Variants in DPY19L4 observed in about 807,000 individuals in gnomAD.
DPY19L4 encodes dpy-19 like 4.
In DPY19L4, 97 loss-of-function variants were observed where a neutral mutation model predicts 102.8. The ratio of observed to expected loss-of-function variants is 0.94; its 90% CI spans 0.80 to 1.12. The LOEUF (loss-of-function observed/expected upper bound fraction) is 1.12, where lower values mean the gene tolerates loss of function less well. Among genes scored for constraint, DPY19L4 ranks in the 50% most tolerant of loss-of-function variants. The pLI is 0.00. For synonymous variants in DPY19L4, 252 were observed against 283.1 expected, an observed-to-expected ratio of 0.89 and a Z score of 1.10; for missense variants, 815 against 850.4, an observed-to-expected ratio of 0.96 and a Z score of 0.52.
At chr8:94,782,783 A>G (rs1813488525) in intron 16 of DPY19L4, among the ~76,000 whole-genome samples, 1 of 152,266 alleles carries the variant, frequency 6.6e-6, no homozygotes, top group African/African-American at 2.4e-5. Flanking sequence ...ACCCTTAACT[A>G]TTACCCATTA....
intron 8 of DPY19L4, among the ~76,000 whole-genome samples, chr8:94,764,663 A>G (rs374401312): frequency 2.8e-5 from 3 of 106,734 alleles, no homozygotes; most frequent in Admixed American, 1.1e-4. Context: ...GTATGTATGT[A>G]TGCGTGTGTG....
chr8:94,790,083 A>G lies in DPY19L4; in HGVS notation c.*173A>G. On this transcript the variant is annotated 3_prime_UTR_variant, in exon 19 of 19. Coordinates refer to ENST00000414645, the MANE Select transcript of DPY19L4 (RefSeq NM_181787.3). ...TGTGGGAAATAGAAGATCAAGCATT[A>G]CTGTCCTTTGATTAAATGTGATATC... 1 of 577,212 alleles carries G rather than the reference A, an allele frequency of 1.7e-6. No individual in the cohort carries two copies. Among genetic ancestry groups the G allele is most frequent in the Non-Finnish European group, 2.9e-6 (1 of 345,074 alleles). 35.8% of individuals were successfully genotyped at this position (577,212 alleles called of 1,614,324 possible). A position where few individuals can be genotyped will look rare whatever the true frequency, so the allele number is the denominator to read the frequency against.
intron 12 of DPY19L4, 94 bp from the exon 13 acceptor site, chr8:94,770,358 T>G (rs560629113): frequency 7.6e-7 from 1 of 1,310,968 alleles, no homozygotes; most frequent in East Asian, 2.7e-5. Context: ...AATATAAAAT[T>G]TTAGGTATGT....
intron 3 of DPY19L4, among the ~76,000 whole-genome samples, chr8:94,736,109 G>A (rs1811178061): frequency 6.6e-6 from 1 of 152,106 alleles, no homozygotes; most frequent in Non-Finnish European, 1.5e-5. Context: ...GTTTATAGCA[G>A]GGATCATCTT....
intron 10 of DPY19L4, 69 bp downstream of exon 10, chr8:94,765,878 A>T: frequency 1.0e-6 from 1 of 954,882 alleles, no homozygotes; most frequent in South Asian, 1.5e-5. Flanking sequence ...CTACATTTTA[A>T]TGAGAATAAT....
intron 6 of DPY19L4, among the ~76,000 whole-genome samples, chr8:94,747,836 AG>A (rs1811749604): frequency 6.6e-6 from 1 of 152,180 alleles, no homozygotes; most frequent in Non-Finnish European, 1.5e-5. Context: ...CTGGGATAAC[AG>A]GCGTGAGCCA....
chr8:94,741,889 A>G (rs1811461110), intron 6 of DPY19L4, among the ~76,000 whole-genome samples: 1 of 152,248 alleles, frequency 6.6e-6, no homozygotes, highest in Admixed American at 6.5e-5. Context: ...TTAGTATAGA[A>G]TGGAATTAGA....
chr8:94,748,986 G>A (rs1234580275), intron 6 of DPY19L4, among the ~76,000 whole-genome samples: 1 of 152,174 alleles, frequency 6.6e-6, no homozygotes, highest in Non-Finnish European at 1.5e-5. Flanking sequence ...GGCTGGAGAG[G>A]CCTCACAATC....
chr8:94,787,022 C>T (rs187879712), intron 17 of DPY19L4, among the ~76,000 whole-genome samples: 5 of 152,218 alleles, frequency 3.3e-5, no homozygotes, highest in Non-Finnish European at 5.9e-5. Flanking sequence ...AGGGGTTCTA[C>T]GAGCATCTTG....
At chr8:94,780,491 A>G in intron 15 of DPY19L4, 76 bp downstream of exon 15, 3 of 954,506 alleles carry the variant, frequency 3.1e-6, no homozygotes, top group Non-Finnish European at 4.3e-6. Flanking sequence ...ATGTGTGGGT[A>G]GGAAACATGT....
At chr8:94,789,025 G>T (rs994407047) in intron 18 of DPY19L4, among the ~76,000 whole-genome samples, 4 of 152,076 alleles carry the variant, frequency 2.6e-5, no homozygotes, top group Admixed American at 2.6e-4. Context: ...GTGATCTTTG[G>T]TTTACTGGTG....
intron 6 of DPY19L4, 111 bp downstream of exon 6, chr8:94,739,901 T>A: frequency 7.9e-7 from 1 of 1,263,956 alleles, no homozygotes; most frequent in Non-Finnish European, 1.1e-6. Context: ...TCAGAACCTA[T>A]GAATATGATG....
chr8:94,765,132 T>G (rs765069994), intron 8 of DPY19L4, 51 bp from the exon 9 acceptor site: 1 of 1,243,946 alleles, frequency 8.0e-7, no homozygotes, highest in Non-Finnish European at 1.1e-6. Flanking sequence ...AATGAAAATA[T>G]GTATGATAAA....
At chr8:94,789,458 G>A (rs990517945) in intron 18 of DPY19L4, among the ~76,000 whole-genome samples, 3 of 152,078 alleles carry the variant, frequency 2.0e-5, no homozygotes, top group Non-Finnish European at 2.9e-5. Flanking sequence ...TCTTCGGAGC[G>A]ATGATAATGG....
chr8:94,721,174 G>T (rs955764803), intron 1 of DPY19L4, among the ~76,000 whole-genome samples: 3 of 152,204 alleles, frequency 2.0e-5, no homozygotes, highest in Non-Finnish European at 4.4e-5. Context: ...TTGAACTTCT[G>T]ACCTCAGGTG....
At position 94,770,358 on chromosome 8, in the gene DPY19L4, T is replaced by A. The variant is rs560629113; in HGVS notation, c.1335-94T>A. 962 of 1,310,966 alleles carry A rather than the reference T, an allele frequency of 7.3e-4. 5 individuals carry two copies. The African/African-American group carries it at 0.014, about 19-fold the overall frequency. The allele number at this position is 1,310,966 out of a possible 1,614,324, so 81.2% of individuals were successfully genotyped here. On this transcript the variant is annotated intron_variant, in intron 12 of 18. Coordinates refer to ENST00000414645, the MANE Select transcript of DPY19L4 (RefSeq NM_181787.3). ...TTTTTGTTATGACGAAATATAAAAT[T>A]TTAGGTATGTCCTTCAAAGATGATA... is the stretch of plus-strand genomic sequence containing the variant.
intron 6 of DPY19L4, among the ~76,000 whole-genome samples, chr8:94,750,630 A>G (rs1456307821): frequency 6.6e-6 from 1 of 152,066 alleles, no homozygotes; most frequent in African/African-American, 2.4e-5. Flanking sequence ...AACTATTTTA[A>G]TGCTTTTTTA....
chr8:94,759,069 T>C (rs1028685893), intron 7 of DPY19L4, among the ~76,000 whole-genome samples: 4 of 152,108 alleles, frequency 2.6e-5, no homozygotes, highest in Non-Finnish European at 5.9e-5. Context: ...CGCGGACCCT[T>C]GTGGTGACTG....
At chr8:94,755,352 A>G (rs1812113041) in intron 6 of DPY19L4, among the ~76,000 whole-genome samples, 1 of 148,064 alleles carries the variant, frequency 6.8e-6, no homozygotes, top group Admixed American at 6.7e-5. Context: ...TGCGGTGCAG[A>G]TTGTACACTC....
Sources: allele counts gnomAD v4.1 joint callset (sites outside exome capture counted in the v4.1 genomes callset), GRCh38; gene constraint gnomAD v4.1.1; transcripts MANE v1.5; gene names NCBI Gene and HGNC (gene_info 2026-07-23, HGNC 2026-07-21).